The following PLA2G4A variants were observed in gnomAD, a reference collection of about 807,000 sequenced individuals.
The protein encoded by PLA2G4A is cytosolic phospholipase A2.
PLA2G4A carries 40 observed loss-of-function variants against 81.9 expected under a neutral mutation model. The ratio of observed to expected loss-of-function variants is 0.49; its 90% CI spans 0.38 to 0.64. The LOEUF is 0.64. PLA2G4A is among the 30% of genes least tolerant of loss of function. The pLI is 0.00. For missense variants in PLA2G4A, 715 were observed against 905.1 expected (o/e 0.79, Z 2.69); for synonymous variants, 302 against 296.9 (o/e 1.02, Z -0.18).
intron 14 of PLA2G4A, among the ~76,000 whole-genome samples, chr1:186,964,627 C>T (rs1657071371): frequency 6.6e-6 from 1 of 152,146 alleles, no homozygotes. Flanking sequence ...AGGCATCTCC[C>T]CTGACCATCC....
Position 186,950,740 on chromosome 1 carries a change from G to A in PLA2G4A, c.1336+12G>A, listed in dbSNP as rs370887735. The A allele has an allele frequency of 1.4e-5, 22 of 1,532,114 alleles. No homozygotes were observed. The highest frequency in any genetic ancestry group is 9.0e-5 in the East Asian group (4 of 44,456). The allele number at this position is 1,532,114 out of a possible 1,614,324, so 94.9% of individuals were successfully genotyped here. On this transcript the variant is annotated intron_variant, in intron 13 of 17. Transcript: ENST00000367466. ...ACACGAACCCAAAGGTGAGTGAGCC[G>A]GAAACTTTTCTGGCCCAGATCCATG...
chr1:186,907,447 G>T (rs991161067), intron 6 of PLA2G4A, among the ~76,000 whole-genome samples: 1 of 152,108 alleles, frequency 6.6e-6, no homozygotes, highest in African/African-American at 2.4e-5. Flanking sequence ...GACCCAGCTG[G>T]ACTACTGCTA....
intron 1 of PLA2G4A, among the ~76,000 whole-genome samples, chr1:186,839,280 T>G (rs1316503237): frequency 2.6e-5 from 4 of 152,200 alleles, no homozygotes; most frequent in Non-Finnish European, 4.4e-5. Context: ...CTTCATCTAC[T>G]TCTCTGCCTG....
intron 1 of PLA2G4A, among the ~76,000 whole-genome samples, chr1:186,850,872 T>C (rs967500547): frequency 6.6e-6 from 1 of 152,086 alleles, no homozygotes; most frequent in African/African-American, 2.4e-5. Context: ...TAGATATTTA[T>C]TTTTAAGTGG....
At chr1:186,846,002 G>T (rs1199444874) in intron 1 of PLA2G4A, among the ~76,000 whole-genome samples, 3 of 152,294 alleles carry the variant, frequency 2.0e-5, no homozygotes, top group Admixed American at 2.0e-4. Flanking sequence ...CACTCACTAA[G>T]ACTGGTTATT....
chr1:186,919,274 T>C (rs1447062410), intron 7 of PLA2G4A, among the ~76,000 whole-genome samples: 1 of 152,176 alleles, frequency 6.6e-6, no homozygotes, highest in Admixed American at 6.5e-5. Context: ...CTCCTAGGAA[T>C]TCCCCTACTT....
chr1:186,956,180 T>C lies in PLA2G4A; in HGVS notation c.1415T>C (p.Leu472Ser), dbSNP rs1656747515. ...ASWIHRMIMALVSDSALFNTR... is the reference protein window; with the variant it reads ...ASWIHRMIMASVSDSALFNTR... ...TGGATTCATCGTATGATAATGGCCT[T>C]GGTGAGTGATTCAGCTTTATTCAAT... is the stretch of plus-strand genomic sequence containing the variant. The change falls in exon 14 of 18, where the codon TTG (leucine) becomes TCG (serine). Residue 472 changes from leucine to serine, a missense_variant. Physicochemically the swap from Leu to Ser is moderately radical, Grantham distance 145. Coordinates refer to ENST00000367466, the MANE Select transcript of PLA2G4A (RefSeq NM_024420.3). 5 of 1,613,810 alleles carry C rather than the reference T, an allele frequency of 3.1e-6. No individual in the cohort carries two copies. The highest frequency in any genetic ancestry group is 4.2e-6 in the Non-Finnish European group (5 of 1,179,728).
chr1:186,880,423 T>G (rs1653684920), intron 3 of PLA2G4A, among the ~76,000 whole-genome samples: 2 of 152,046 alleles, frequency 1.3e-5, no homozygotes. Context: ...TCAAGAATTA[T>G]GTCTTGCTTT....
At chr1:186,883,529 G>T (rs114690304) in intron 3 of PLA2G4A, among the ~76,000 whole-genome samples, 2 of 152,120 alleles carry the variant, frequency 1.3e-5, no homozygotes, top group African/African-American at 4.8e-5. Flanking sequence ...TTGCAACTTG[G>T]TTTTGACTAC....
chr1:186,868,678 G>A (rs1653125407), intron 2 of PLA2G4A, among the ~76,000 whole-genome samples: 1 of 152,110 alleles, frequency 6.6e-6, no homozygotes, highest in African/African-American at 2.4e-5. Context: ...GTTTTGTAAG[G>A]TTATTAATTG....
chr1:186,841,527 A>G (rs145262753), intron 1 of PLA2G4A, among the ~76,000 whole-genome samples: 28 of 152,286 alleles, frequency 1.8e-4, no homozygotes, highest in African/African-American at 6.7e-4. Flanking sequence ...TGTTCCCCTT[A>G]CTGGGTAACT....
At chr1:186,933,312 C>A (rs1655820858) in intron 8 of PLA2G4A, among the ~76,000 whole-genome samples, 1 of 151,724 alleles carries the variant, frequency 6.6e-6, no homozygotes, top group African/African-American at 2.4e-5. Flanking sequence ...TTCTTTAGGG[C>A]AAATAGAATA....
At chr1:186,845,158 C>A (rs991340698) in intron 1 of PLA2G4A, among the ~76,000 whole-genome samples, 3 of 151,944 alleles carry the variant, frequency 2.0e-5, no homozygotes, top group Non-Finnish European at 2.9e-5. Flanking sequence ...TGCAGTGAGC[C>A]AAGATTGCAC....
At chr1:186,887,995 C>G (rs1244743226) in intron 3 of PLA2G4A, among the ~76,000 whole-genome samples, 1 of 152,220 alleles carries the variant, frequency 6.6e-6, no homozygotes, top group Non-Finnish European at 1.5e-5. Context: ...ATTGCAAAAT[C>G]AAAGTGTGCA....
rs545611072 is a variant in PLA2G4A at position 186,911,053 on chromosome 1, A to C, written c.417-195A>C. Among the ~76,000 whole-genome samples the C allele has an allele frequency of 2.8e-4, 42 of 152,304 alleles. 1 individual carries two copies. The highest frequency in any genetic ancestry group is 8.7e-4 in the African/African-American group (36 of 41,572). On this transcript the variant is annotated intron_variant, in intron 6 of 17. Coordinates refer to ENST00000367466, the MANE Select transcript of PLA2G4A (RefSeq NM_024420.3). ...CATTGGAAAGTCCTTTTTCTCTGAA[A>C]ACATGCTGTGGAAAATGCTGCTTTA...
chr1:186,908,673 T>A (rs1445822599), intron 6 of PLA2G4A, among the ~76,000 whole-genome samples: 2 of 151,960 alleles, frequency 1.3e-5, no homozygotes, highest in African/African-American at 4.8e-5. Flanking sequence ...TATACTAATA[T>A]AATGAAATAC....
intron 3 of PLA2G4A, among the ~76,000 whole-genome samples, chr1:186,884,533 A>T (rs1653859131): frequency 6.6e-6 from 1 of 152,242 alleles, no homozygotes; most frequent in South Asian, 2.1e-4. Flanking sequence ...GTCTAGAGGA[A>T]TGAAAAGCTG....
chr1:186,926,892 T>C (rs1655569068), intron 7 of PLA2G4A, among the ~76,000 whole-genome samples: 1 of 152,220 alleles, frequency 6.6e-6, no homozygotes, highest in South Asian at 2.1e-4. Context: ...GTGCTGCCAT[T>C]CTGTGGCATA....
chr1:186,977,562 T>G lies in PLA2G4A; in HGVS notation c.1765-31T>G, dbSNP rs931574999. On this transcript the variant is annotated intron_variant, in intron 15 of 17. Transcript: ENST00000367466. Reference sequence around the variant, plus strand: ...AACTGAATCAATGAAAACTGAAAATTTCCAAATTCATCTTTCCATCTTTCC... The same window carrying G: ...AACTGAATCAATGAAAACTGAAAATGTCCAAATTCATCTTTCCATCTTTCC... The G allele has an allele frequency of 4.0e-6, 6 of 1,518,496 alleles. No homozygotes were observed. In the African/African-American group the frequency reaches 8.2e-5, roughly 21 times the overall value. The allele number at this position is 1,518,496 out of a possible 1,614,324, so 94.1% of individuals were successfully genotyped here.
Sources: allele counts gnomAD v4.1 joint callset (sites outside exome capture counted in the v4.1 genomes callset), GRCh38; gene constraint gnomAD v4.1.1; transcripts MANE v1.5; gene names NCBI Gene and HGNC (gene_info 2026-07-23, HGNC 2026-07-21).